PHLPP1: variants seen among roughly 807,000 people sequenced by gnomAD.
PHLPP1 encodes PH domain and leucine rich repeat protein phosphatase 1.
A neutral mutation model predicts 117.2 loss-of-function variants in PHLPP1; 42 were observed. The ratio of observed to expected loss-of-function variants is 0.36; its 90% CI spans 0.28 to 0.46. PHLPP1 has a LOEUF of 0.46. Ranked by LOEUF, PHLPP1 falls within the 20% of genes least tolerant of loss-of-function variation. The probability of loss-of-function intolerance (pLI) is 1.00; values close to 1 mark genes in which losing one functional copy is unlikely to be tolerated. For synonymous variants in PHLPP1, 1,042 were observed against 970.7 expected, an observed-to-expected ratio of 1.07 and a Z score of -1.37; for missense variants, 2,084 against 2,241.9, an observed-to-expected ratio of 0.93 and a Z score of 1.42.
At chr18:62,797,823 G>T (rs1250879277) in intron 1 of PHLPP1, among the ~76,000 whole-genome samples, 6 of 152,106 alleles carry the variant, frequency 3.9e-5, no homozygotes, top group Non-Finnish European at 1.5e-5. Context: ...GAGAGAGGTT[G>T]ATTATGGCTC....
At position 62,978,659 on chromosome 18, in the gene PHLPP1, C is replaced by T; in HGVS notation, c.4382C>T (p.Ser1461Leu). 1 of 1,613,936 alleles carries T rather than the reference C, an allele frequency of 6.2e-7. No homozygotes were observed. The highest frequency in any genetic ancestry group is 1.7e-5 in the Admixed American group (1 of 60,018). The change falls in exon 17 of 17, where the codon TCA (serine) becomes TTA (leucine). Residue 1461 changes from serine to leucine, a missense_variant. Around this residue, in one of 2 missense-constraint regions of PHLPP1, gnomAD observed 1,365 missense variants for 1,605.9 expected, o/e 0.85. Transcript: ENST00000262719. This position sits in a 1 kb window ranked among gnomAD's most constrained non-coding sequence, Gnocchi z 7.0. Reference protein sequence around the residue: ...SVNMVIKDRPSDGLGVPSSSS... With the variant: ...SVNMVIKDRPLDGLGVPSSSS... Reference sequence around the variant, plus strand: ...AACATGGTGATCAAGGATCGGCCCTCAGATGGGCTGGGCGTGCCGTCCTCC... The same window carrying T: ...AACATGGTGATCAAGGATCGGCCCTTAGATGGGCTGGGCGTGCCGTCCTCC...
intron 1 of PHLPP1, among the ~76,000 whole-genome samples, chr18:62,735,606 A>AACAACAAC (rs879398373): frequency 4.4e-5 from 6 of 135,098 alleles, no homozygotes; most frequent in Non-Finnish European, 6.7e-5. Context: ...ACAACAACAA[A>AACAACAAC]ACCAGTTGAC....
At position 62,860,493 on chromosome 18, in the gene PHLPP1, C is replaced by T. The variant is rs1244741424; in HGVS notation, c.1958C>T (p.Pro653Leu). The T allele has an allele frequency of 6.2e-7, 1 of 1,613,904 alleles. No homozygotes were observed. The highest frequency in any genetic ancestry group is 8.5e-7 in the Non-Finnish European group (1 of 1,179,826). Residue 653 changes from proline to leucine, a missense_variant, in exon 4 of 17, where the codon CCT (proline) becomes CTT (leucine). This residue lies in a region of PHLPP1 where 1,365 missense variants were observed against 1,605.9 expected (regional missense o/e 0.85). Transcript: ENST00000262719. Reference sequence around the variant, plus strand: ...TCGTGTTGTAGCCTGGAACATCTGCCTGCCAACCTCTTCTACAGCCAAGAC... The same window carrying T: ...TCGTGTTGTAGCCTGGAACATCTGCTTGCCAACCTCTTCTACAGCCAAGAC... The part of the protein sequence containing the change: ...DLSCCSLEHL[P>L]ANLFYSQDLT...
chr18:62,920,221 T>C, intron 10 of PHLPP1, 107 bp downstream of exon 10: 1 of 1,086,060 alleles, frequency 9.2e-7, no homozygotes, highest in Non-Finnish European at 1.3e-6. Flanking sequence ...TATGTATCTG[T>C]CCCAGATTTG....
intron 10 of PHLPP1, among the ~76,000 whole-genome samples, chr18:62,921,030 G>A (rs933614341): frequency 1.3e-5 from 2 of 152,162 alleles, no homozygotes; most frequent in African/African-American, 4.8e-5. Context: ...ATTAAATGAA[G>A]CTCTGTTATT....
intron 1 of PHLPP1, among the ~76,000 whole-genome samples, chr18:62,757,347 G>T (rs1267422452): frequency 6.6e-6 from 1 of 152,166 alleles, no homozygotes; most frequent in Non-Finnish European, 1.5e-5. Flanking sequence ...TTCATTTCTT[G>T]CTGACTGTTA....
chr18:62,717,775 ACT>A (rs1420936076), intron 1 of PHLPP1, among the ~76,000 whole-genome samples: 11 of 151,954 alleles, frequency 7.2e-5, no homozygotes, highest in Non-Finnish European at 1.6e-4. Flanking sequence ...GCTCTGCCAC[ACT>A]CATAAATTAC....
At chr18:62,933,613 A>C (rs945921816) in intron 10 of PHLPP1, among the ~76,000 whole-genome samples, 1 of 152,170 alleles carries the variant, frequency 6.6e-6, no homozygotes, top group African/African-American at 2.4e-5. Flanking sequence ...CAAAAACTAA[A>C]GATGGATTAA....
intron 3 of PHLPP1, among the ~76,000 whole-genome samples, chr18:62,843,520 A>G (rs190396429): frequency 6.6e-6 from 1 of 152,294 alleles, no homozygotes; most frequent in East Asian, 1.9e-4. Context: ...TATTATTTTT[A>G]AACTTTAGCA....
chr18:62,795,459 C>T (rs537855148), intron 1 of PHLPP1, among the ~76,000 whole-genome samples: 82 of 143,870 alleles, frequency 5.7e-4, no homozygotes, highest in Non-Finnish European at 9.3e-4. Flanking sequence ...CACCACTGCA[C>T]TCCAGCCTGG....
rs1180464366 is a variant in PHLPP1, at chr18:62,963,348, C to T, written c.3456-20C>T. The stretch of plus-strand genomic sequence containing the variant: ...ATTTGGTTTTAATGATTCCTGTTCC[C>T]TCCCTGTTTCTCTTGTTAGTAATAT... On this transcript the variant is annotated intron_variant, in intron 13 of 16. Transcript: ENST00000262719. 3 of 1,551,466 alleles carry T rather than the reference C, an allele frequency of 1.9e-6. No individual in the cohort carries two copies. The highest frequency in any genetic ancestry group is 2.7e-5 in the African/African-American group (2 of 73,482).
chr18:62,753,932 C>G (rs1911934996), intron 1 of PHLPP1, among the ~76,000 whole-genome samples: 1 of 152,072 alleles, frequency 6.6e-6, no homozygotes, highest in Non-Finnish European at 1.5e-5. Context: ...GAAGTCAGCC[C>G]TTTTGGAGTT....
chr18:62,727,273 G>T (rs528355214), intron 1 of PHLPP1, among the ~76,000 whole-genome samples: 3 of 147,944 alleles, frequency 2.0e-5, no homozygotes, highest in Non-Finnish European at 4.5e-5. Flanking sequence ...CAAATTGTTC[G>T]CACATTTTAA....
Position 62,958,658 on chromosome 18 carries a change from T to G in PHLPP1, c.3354T>G (p.Ser1118Arg). 1 of 1,613,884 alleles carries G rather than the reference T, an allele frequency of 6.2e-7. No homozygotes were observed. Among genetic ancestry groups the G allele is most frequent in the South Asian group, 1.1e-5 (1 of 91,078 alleles). ...KCVDLSCNEL[S>R]EVTLPENLPP... ...TGGACCTGAGCTGTAATGAGCTAAG[T>G]GAAGTCACATTACCAGAAAACCTGC... Residue 1118 changes from serine to arginine, a missense_variant, in exon 13 of 17, where the codon AGT (serine) becomes AGG (arginine). Around this residue, in one of 2 missense-constraint regions of PHLPP1, gnomAD observed 1,365 missense variants for 1,605.9 expected, o/e 0.85. Coordinates refer to ENST00000262719, the MANE Select transcript of PHLPP1 (RefSeq NM_194449.4).
chr18:62,791,259 A>G (rs765187763), intron 1 of PHLPP1, among the ~76,000 whole-genome samples: 11 of 152,116 alleles, frequency 7.2e-5, no homozygotes, highest in Non-Finnish European at 1.6e-4. Context: ...AAAAGTCAGT[A>G]ATGAGACTTG....
chr18:62,795,576 T>C (rs6567296), intron 1 of PHLPP1, among the ~76,000 whole-genome samples: 32,171 of 151,502 alleles, frequency 0.21, 5,091 homozygotes, highest in African/African-American at 0.45. Context: ...AACCATAAGC[T>C]GGACTTGGTC....
chr18:62,839,640 T>C lies in PHLPP1; in HGVS notation c.1899+731T>C, dbSNP rs529693057. ...AGGCTGAGGCACGAAAATTGCGAACTGGGAAGGTGGAGGTTGCAATGAGCC... is the reference window on the plus strand; with the variant it reads ...AGGCTGAGGCACGAAAATTGCGAACCGGGAAGGTGGAGGTTGCAATGAGCC... On this transcript the variant is annotated intron_variant, in intron 3 of 16. Coordinates refer to ENST00000262719, the MANE Select transcript of PHLPP1 (RefSeq NM_194449.4). 8 of 150,652 alleles carry C rather than the reference T, an allele frequency of 5.3e-5. No individual in the cohort carries two copies. The East Asian group carries it at 1.6e-3, about 29-fold the overall frequency. 9.3% of individuals were successfully genotyped at this position (150,652 alleles called of 1,614,324 possible). A position where few individuals can be genotyped will look rare whatever the true frequency, so the allele number is the denominator to read the frequency against.
intron 12 of PHLPP1, among the ~76,000 whole-genome samples, chr18:62,945,549 A>G (rs1204439651): frequency 1.3e-5 from 2 of 152,148 alleles, no homozygotes; most frequent in Non-Finnish European, 2.9e-5. Context: ...TAGCCACCCT[A>G]TACTTCTTTA....
intron 10 of PHLPP1, among the ~76,000 whole-genome samples, chr18:62,923,820 C>T (rs761019488): frequency 5.3e-5 from 8 of 151,964 alleles, no homozygotes; most frequent in East Asian, 1.9e-4. Flanking sequence ...TAGGCCAACC[C>T]GGAAAACATG....
Sources: allele counts gnomAD v4.1 joint callset (sites outside exome capture counted in the v4.1 genomes callset), GRCh38; gene constraint gnomAD v4.1.1; regional missense constraint gnomAD v4.1.1; non-coding constraint Gnocchi (gnomAD v3.1); transcripts MANE v1.5; gene names NCBI Gene and HGNC (gene_info 2026-07-23, HGNC 2026-07-21).